Variants in CELF4 observed in about 807,000 individuals in gnomAD.
The protein encoded by CELF4 is CUGBP Elav-like family member 4.
CELF4 carries 18 observed loss-of-function variants against 59.9 expected under a neutral mutation model. That is an observed-to-expected ratio of 0.30 (90% confidence interval 0.21 to 0.45). The LOEUF is 0.45. CELF4 is among the 20% of genes least tolerant of loss of function. CELF4 has a pLI of 1.00. For missense variants in CELF4, 456 were observed against 689.0 expected (o/e 0.66, Z 3.79); for synonymous variants, 261 against 267.1 (o/e 0.98, Z 0.22).
intron 1 of CELF4, among the ~76,000 whole-genome samples, chr18:37,510,950 C>T (rs1326389583): frequency 6.6e-6 from 1 of 152,166 alleles, no homozygotes; most frequent in Non-Finnish European, 1.5e-5. Context: ...CATAGAGTAA[C>T]TTGTGCAGCC....
chr18:37,486,713 G>A lies in CELF4; in HGVS notation c.287-1106C>T, dbSNP rs72891022. 9.0e-3 allele frequency among the ~76,000 whole-genome samples: 1,364 copies of A among 152,326 alleles called. 9 individuals carry two copies. The highest frequency in any genetic ancestry group is 0.015 in the Non-Finnish European group (1,044 of 68,030). On this transcript the variant is annotated intron_variant, in intron 1 of 12. Transcript: ENST00000420428. ...CCTTTTCAAGCCACCCATGGCCCCA[G>A]AGAAGGCACCCTGTGGAATGGCTGC... is the stretch of plus-strand genomic sequence containing the variant.
At chr18:37,422,683 A>T (rs569183424) in intron 2 of CELF4, among the ~76,000 whole-genome samples, 1 of 152,174 alleles carries the variant, frequency 6.6e-6, no homozygotes, top group Non-Finnish European at 1.5e-5. Context: ...CATGCATGAA[A>T]GTGAGAGAGA....
At chr18:37,328,968 C>T (rs1440492484) in intron 2 of CELF4, among the ~76,000 whole-genome samples, 3 of 152,196 alleles carry the variant, frequency 2.0e-5, no homozygotes, top group Non-Finnish European at 4.4e-5. Flanking sequence ...CTTGCTCACT[C>T]TCTCAATTTG....
rs1324071173 is a variant in CELF4 at position 37,253,095 on chromosome 18, T to C, written c.*44+672A>G. On this transcript the variant is annotated intron_variant, in intron 12 of 12. Coordinates refer to ENST00000420428, the MANE Select transcript of CELF4 (RefSeq NM_020180.4). This position sits in a 1 kb window ranked among gnomAD's most constrained non-coding sequence, Gnocchi z 4.5. ...CGTGGCTGACTGTGTCTTCAGCTCC[T>C]AGGCAGGACCCAGCCCAGCAGAAAA... Among the ~76,000 whole-genome samples, 1 of 152,118 alleles carries C rather than the reference T, an allele frequency of 6.6e-6. No individual in the cohort carries two copies. The highest frequency in any genetic ancestry group is 1.5e-5 in the Non-Finnish European group (1 of 68,034).
intron 6 of CELF4, chr18:37,273,768 C>G (rs905496896): frequency 1.0e-6 from 1 of 988,814 alleles, no homozygotes; most frequent in Admixed American, 6.1e-5. Flanking sequence ...CTGTGGTTAC[C>G]AGTCTGCAGG....
chr18:37,523,856 G>T (rs201526431), intron 1 of CELF4, among the ~76,000 whole-genome samples: 2 of 149,190 alleles, frequency 1.3e-5, no homozygotes, highest in African/African-American at 5.1e-5. Context: ...AGAGGTGAAG[G>T]TGGGAGGAGG....
At chr18:37,337,125 C>T (rs961992626) in intron 2 of CELF4, among the ~76,000 whole-genome samples, 2 of 151,828 alleles carry the variant, frequency 1.3e-5, no homozygotes, top group South Asian at 2.1e-4. Context: ...TCCTCAGTGG[C>T]TCAGAGACAC....
At chr18:37,398,495 G>GC (rs2099273930) in intron 2 of CELF4, among the ~76,000 whole-genome samples, 1 of 152,164 alleles carries the variant, frequency 6.6e-6, no homozygotes, top group African/African-American at 2.4e-5. Flanking sequence ...GAAGATCCTA[G>GC]CCTCGGGGCA....
intron 2 of CELF4, among the ~76,000 whole-genome samples, chr18:37,446,949 C>G (rs1275027932): frequency 6.6e-6 from 1 of 152,150 alleles, no homozygotes; most frequent in African/African-American, 2.4e-5. Context: ...AGATCCTTGG[C>G]AAGTATAGGA....
At chr18:37,451,519 GTGCACA>G (rs894490858) in intron 2 of CELF4, among the ~76,000 whole-genome samples, 5 of 152,120 alleles carry the variant, frequency 3.3e-5, no homozygotes, top group African/African-American at 1.2e-4. Flanking sequence ...GCACGCATGT[GTGCACA>G]TGCACATGTG....
Position 37,297,581 on chromosome 18 carries a change from C to T in CELF4, c.449-22338G>A, listed in dbSNP as rs539623947. On this transcript the variant is annotated intron_variant, in intron 3 of 12. Transcript: ENST00000420428. The stretch of plus-strand genomic sequence containing the variant: ...GATAAAATTTACAAACAGTGACATG[C>T]GTACATCCTAAGGATATAATGTAAT... Among the ~76,000 whole-genome samples, 12 of 152,290 alleles carry T rather than the reference C, an allele frequency of 7.9e-5. 1 individual carries two copies. Among genetic ancestry groups the T allele is most frequent in the South Asian group, 4.1e-4 (2 of 4,824 alleles).
chr18:37,328,986 A>T (rs1298846153), intron 2 of CELF4, among the ~76,000 whole-genome samples: 1 of 152,058 alleles, frequency 6.6e-6, no homozygotes, highest in Non-Finnish European at 1.5e-5. Flanking sequence ...TTGTCGTGGT[A>T]TTTTTTTTAT....
intron 8 of CELF4, 78 bp downstream of exon 8, chr18:37,270,690 G>T: frequency 6.4e-7 from 1 of 1,553,826 alleles, no homozygotes; most frequent in Non-Finnish European, 8.8e-7. Context: ...GCCACATCTT[G>T]TTATAACAGC....
chr18:37,565,641 T>TAGAG lies in CELF4; in HGVS notation c.-4_-1dup, dbSNP rs1568467578. On this transcript the variant is annotated 5_prime_UTR_variant, in exon 1 of 13. Coordinates refer to ENST00000420428, the MANE Select transcript of CELF4 (RefSeq NM_020180.4). ...GCTAACGTGGCCATCTTTATATACA[T>TAGAG]AGAGAAAATCTTCTTTCCTTTTATT... is the stretch of plus-strand genomic sequence containing the variant. The TAGAG allele has an allele frequency of 6.3e-7, 1 of 1,579,902 alleles. No homozygotes were observed. The highest frequency in any genetic ancestry group is 2.3e-5 in the East Asian group (1 of 44,296).
At chr18:37,490,918 T>G (rs1468659231) in intron 1 of CELF4, among the ~76,000 whole-genome samples, 2 of 152,070 alleles carry the variant, frequency 1.3e-5, no homozygotes, top group South Asian at 2.1e-4. Flanking sequence ...CTACCACCCG[T>G]TAGGGGTCAG....
chr18:37,423,874 C>T lies in CELF4; in HGVS notation c.369+61651G>A, dbSNP rs548261517. ...GTTCATCATGCTTTTCCCACCTTCTCGCTCCATAAGGAACAGATTTTTGGC... is the reference window on the plus strand; with the variant it reads ...GTTCATCATGCTTTTCCCACCTTCTTGCTCCATAAGGAACAGATTTTTGGC... On this transcript the variant is annotated intron_variant, in intron 2 of 12. Transcript: ENST00000420428. Among the ~76,000 whole-genome samples the T allele has an allele frequency of 6.0e-4, 92 of 152,128 alleles. 1 individual carries two copies. The highest frequency in any genetic ancestry group is 1.9e-3 in the African/African-American group (77 of 41,502).
intron 1 of CELF4, among the ~76,000 whole-genome samples, chr18:37,489,102 CG>C (rs1229811944): frequency 1.3e-5 from 2 of 152,206 alleles, no homozygotes; most frequent in Non-Finnish European, 2.9e-5. Context: ...CTCTGTGAGG[CG>C]GGAGCGGCTG....
At chr18:37,444,387 C>T (rs1278027873) in intron 2 of CELF4, among the ~76,000 whole-genome samples, 1 of 152,100 alleles carries the variant, frequency 6.6e-6, no homozygotes, top group Non-Finnish European at 1.5e-5. Context: ...CTTTGACGAA[C>T]TCCCTGAGAG....
intron 2 of CELF4, among the ~76,000 whole-genome samples, chr18:37,436,295 G>T (rs1276752225): frequency 6.6e-6 from 1 of 152,182 alleles, no homozygotes; most frequent in Non-Finnish European, 1.5e-5. Context: ...GCCCTCAAAT[G>T]CTCCCTCATT....
Sources: allele counts gnomAD v4.1 joint callset (sites outside exome capture counted in the v4.1 genomes callset), GRCh38; gene constraint gnomAD v4.1.1; non-coding constraint Gnocchi (gnomAD v3.1); transcripts MANE v1.5; gene names NCBI Gene and HGNC (gene_info 2026-07-23, HGNC 2026-07-21).